Variants in UGT8 observed in about 807,000 individuals in gnomAD.
The protein encoded by UGT8 is 2-hydroxyacylsphingosine 1-beta-galactosyltransferase.
UGT8 carries 12 observed loss-of-function variants against 40.5 expected under a neutral mutation model. That is an observed-to-expected ratio of 0.30 (90% CI 0.19 to 0.48). The LOEUF (loss-of-function observed/expected upper bound fraction) is 0.48, where lower values mean the gene tolerates loss of function less well. Among genes scored for constraint, UGT8 ranks in the 20% least tolerant of loss-of-function variants. The pLI, the probability that UGT8 is intolerant of heterozygous loss-of-function variation, is 0.99. For synonymous variants in UGT8, 224 were observed against 240.4 expected, an observed-to-expected ratio of 0.93 and a Z score of 0.63; for missense variants, 513 against 648.7, an observed-to-expected ratio of 0.79 and a Z score of 2.27.
intron 2 of UGT8, among the ~76,000 whole-genome samples, chr4:114,643,799 C>T (rs2126115748): frequency 6.6e-6 from 1 of 151,950 alleles, no homozygotes; most frequent in East Asian, 1.9e-4. Flanking sequence ...TATTTGGATC[C>T]CTTAAAAGCC....
chr4:114,645,716 T>A (rs1290571305), intron 2 of UGT8, among the ~76,000 whole-genome samples: 2 of 152,190 alleles, frequency 1.3e-5, no homozygotes, highest in Non-Finnish European at 2.9e-5. Context: ...TAAGTTGACA[T>A]GTCATCTGGG....
chr4:114,623,907 A>T, intron 2 of UGT8: 1 of 299,046 alleles, frequency 3.3e-6, no homozygotes, highest in Non-Finnish European at 4.9e-6. Context: ...CATTTCTGTA[A>T]TACTGAAAAG....
At chr4:114,601,286 T>G (rs928074809) in intron 1 of UGT8, among the ~76,000 whole-genome samples, 1 of 152,220 alleles carries the variant, frequency 6.6e-6, no homozygotes, top group African/African-American at 2.4e-5. Context: ...TTATTGCACC[T>G]TATGAACAAC....
At position 114,668,222 on chromosome 4, in the gene UGT8, G is replaced by A. The variant is rs750461264; in HGVS notation, c.1180G>A (p.Gly394Ser). Residue 394 changes from glycine to serine, a missense_variant, in exon 5 of 6, where the codon GGC (glycine) becomes AGC (serine). This residue lies in a region of UGT8 where 175 missense variants were observed against 186.7 expected (regional missense o/e 0.94). Transcript: ENST00000310836. ...YDTMTRVQAK[G>S]MGILLEWKTV... ...TACTATGACCAGAGTACAGGCAAAA[G>A]GCATGGGGATATTGCTAGAATGGAA... 2.5e-6 allele frequency: 4 copies of A among 1,613,722 alleles called. No homozygotes were observed. In the Admixed American group the frequency reaches 6.7e-5, roughly 27 times the overall value.
chr4:114,642,163 C>A (rs757004956), intron 2 of UGT8, among the ~76,000 whole-genome samples: 1 of 151,808 alleles, frequency 6.6e-6, no homozygotes. Flanking sequence ...GATGCAGCAA[C>A]GTGTAGCTGA....
At chr4:114,645,477 C>CTA (rs1733513044) in intron 2 of UGT8, among the ~76,000 whole-genome samples, 1 of 152,090 alleles carries the variant, frequency 6.6e-6, no homozygotes, top group Non-Finnish European at 1.5e-5. Context: ...TTTTTGGACA[C>CTA]TATAGAGTTA....
intron 1 of UGT8, among the ~76,000 whole-genome samples, chr4:114,618,393 TAAC>T (rs1214528526): frequency 6.6e-6 from 1 of 152,224 alleles, no homozygotes; most frequent in Non-Finnish European, 1.5e-5. Context: ...TCACTAAAAA[TAAC>T]ATCCTTGCCG....
At chr4:114,606,108 A>G (rs1409838987) in intron 1 of UGT8, among the ~76,000 whole-genome samples, 1 of 152,156 alleles carries the variant, frequency 6.6e-6, no homozygotes, top group Admixed American at 6.5e-5. Context: ...CAACAACAAA[A>G]AACTTGGACA....
chr4:114,622,258 T>C (rs1437879051), intron 1 of UGT8: 1 of 151,606 alleles, frequency 6.6e-6, no homozygotes, highest in Non-Finnish European at 1.5e-5. Context: ...TCCAATTTCA[T>C]CCATGTCCCT....
At chr4:114,602,162 T>A (rs1385385067) in intron 1 of UGT8, among the ~76,000 whole-genome samples, 1 of 152,214 alleles carries the variant, frequency 6.6e-6, no homozygotes, top group Non-Finnish European at 1.5e-5. Context: ...TTCTGGAATA[T>A]CTTGGTGTTT....
chr4:114,665,602 C>A, intron 3 of UGT8, 78 bp from the exon 4 acceptor site: 2 of 1,307,752 alleles, frequency 1.5e-6, no homozygotes, highest in Non-Finnish European at 1.0e-6. Flanking sequence ...TATTTTAAAT[C>A]TCATAATTTA....
intron 1 of UGT8, among the ~76,000 whole-genome samples, chr4:114,600,937 G>A (rs1042468273): frequency 2.6e-5 from 4 of 152,148 alleles, no homozygotes; most frequent in African/African-American, 9.7e-5. Context: ...ATCTAGTGTT[G>A]TGTGACTTAG....
intron 2 of UGT8, among the ~76,000 whole-genome samples, chr4:114,626,007 G>A (rs578083679): frequency 1.3e-5 from 2 of 152,164 alleles, no homozygotes; most frequent in African/African-American, 4.8e-5. Context: ...GTGTGCATGT[G>A]TTATATATAG....
intron 1 of UGT8, among the ~76,000 whole-genome samples, chr4:114,621,399 G>GACAA (rs1372578688): frequency 1.3e-5 from 2 of 152,108 alleles, no homozygotes. Flanking sequence ...AGATTGCTAG[G>GACAA]ACAACTATGG....
chr4:114,671,488 A>G (rs963915998), intron 5 of UGT8, among the ~76,000 whole-genome samples: 2 of 152,186 alleles, frequency 1.3e-5, no homozygotes, highest in African/African-American at 2.4e-5. Context: ...ATATAGACCA[A>G]TGGAGCAGAA....
In UGT8 at chr4:114,664,675, A is replaced by G. The variant is rs2126132905; in HGVS notation, c.965+538A>G. ...AACACGGTTTAAGACAGAACCATAGATTGACCCCAGCTTCTTTTGGAAGGC... is the reference window on the plus strand; with the variant it reads ...AACACGGTTTAAGACAGAACCATAGGTTGACCCCAGCTTCTTTTGGAAGGC... On this transcript the variant is annotated intron_variant, in intron 3 of 5. Transcript: ENST00000310836. 2.0e-5 allele frequency among the ~76,000 whole-genome samples: 3 copies of G among 152,306 alleles called. No homozygotes were observed. In the South Asian group the frequency reaches 6.2e-4, roughly 32 times the overall value.
chr4:114,650,090 A>T (rs1476698631), intron 2 of UGT8, among the ~76,000 whole-genome samples: 1 of 152,166 alleles, frequency 6.6e-6, no homozygotes, highest in African/African-American at 2.4e-5. Context: ...TGCCCTGAGG[A>T]CTTGAAGTGT....
chr4:114,618,083 T>C (rs1047702635), intron 1 of UGT8, among the ~76,000 whole-genome samples: 1 of 151,888 alleles, frequency 6.6e-6, no homozygotes, highest in African/African-American at 2.4e-5. Flanking sequence ...TCTGATCTTC[T>C]TAGTGTTATG....
At chr4:114,620,602 G>GT (rs1731724057) in intron 1 of UGT8, among the ~76,000 whole-genome samples, 1 of 152,124 alleles carries the variant, frequency 6.6e-6, no homozygotes, top group Non-Finnish European at 1.5e-5. Flanking sequence ...TTATAATAAT[G>GT]TAAGTGACAT....
Sources: allele counts gnomAD v4.1 joint callset (sites outside exome capture counted in the v4.1 genomes callset), GRCh38; gene constraint gnomAD v4.1.1; regional missense constraint gnomAD v4.1.1; transcripts MANE v1.5; gene names NCBI Gene and HGNC (gene_info 2026-07-23, HGNC 2026-07-21).